Variants in RNF135 observed in about 807,000 individuals in gnomAD.
The protein encoded by RNF135 is E3 ubiquitin-protein ligase RNF135.
In RNF135, 46 loss-of-function variants were observed where a neutral mutation model predicts 41.9. The observed-to-expected ratio is 1.10, with a 90% confidence interval of 0.87 to 1.40. The LOEUF (loss-of-function observed/expected upper bound fraction) is 1.40. Ranked by LOEUF, RNF135 falls within the 40% of genes most tolerant of loss-of-function variation. The probability of loss-of-function intolerance (pLI) is 0.00; values close to 1 mark genes in which losing one functional copy is unlikely to be tolerated. For synonymous variants in RNF135, 238 were observed against 223.8 expected (o/e 1.06, Z -0.57); for missense variants, 539 against 549.8 (o/e 0.98, Z 0.20).
At chr17:30,959,505 G>C in the RNF135 span, 1 of 152,274 alleles carries the variant, frequency 6.6e-6, no homozygotes, top group Non-Finnish European at 1.5e-5. Context: ...AAGAGTAGAA[G>C]ATAGTTGGGT....
intron 1 of RNF135, among the ~76,000 whole-genome samples, chr17:30,982,420 C>A (rs1167335753): frequency 6.6e-6 from 1 of 152,200 alleles, no homozygotes; most frequent in Non-Finnish European, 1.5e-5. Context: ...TCTTTCTATT[C>A]TCTTTATCAC....
chr17:30,976,300 A>T (rs1038945188), intron 1 of RNF135, among the ~76,000 whole-genome samples: 2 of 152,186 alleles, frequency 1.3e-5, no homozygotes, highest in African/African-American at 4.8e-5. Flanking sequence ...CACCACGCCC[A>T]GCCTATTTCA....
chr17:30,966,112 G>A (rs1157680446), upstream of RNF135, among the ~76,000 whole-genome samples: 2 of 152,062 alleles, frequency 1.3e-5, no homozygotes, highest in East Asian at 3.9e-4. Context: ...TTACAAAGGT[G>A]GTTTCAGCCC....
At position 30,971,329 on chromosome 17, in the gene RNF135, C is replaced by G. The variant is rs1300351123; in HGVS notation, c.256C>G (p.Arg86Gly). Residue 86 changes from arginine (R) to glycine (G), a missense_variant, in exon 1 of 5, where the codon CGC becomes GGC. Transcript: ENST00000328381. The part of the protein sequence containing the change: ...TLLQDLADKY[R>G]RAAREIQAGS... ...ACTGCAGGACCTGGCCGACAAGTACCGCCGCGCCGCACGCGAGATACAGGC... is the reference window on the plus strand; with the variant it reads ...ACTGCAGGACCTGGCCGACAAGTACGGCCGCGCCGCACGCGAGATACAGGC... 5.2e-6 allele frequency: 8 copies of G among 1,533,772 alleles called. No individual in the cohort carries two copies. The highest frequency in any genetic ancestry group is 2.5e-5 in the East Asian group (1 of 39,690).
chr17:30,994,890 G>T (rs58923364), intron 3 of RNF135, among the ~76,000 whole-genome samples: 4 of 150,658 alleles, frequency 2.7e-5, no homozygotes, highest in African/African-American at 9.7e-5. Context: ...CACCCGTCTC[G>T]GCCTCCCAAA....
upstream of RNF135, among the ~76,000 whole-genome samples, chr17:30,968,396 T>C (rs1340365916): frequency 1.3e-5 from 2 of 151,108 alleles, no homozygotes; most frequent in African/African-American, 2.4e-5. Flanking sequence ...CTTTTTTTTT[T>C]TTCTTTTGAG....
At chr17:30,979,869 C>A (rs1906902273) in intron 1 of RNF135, among the ~76,000 whole-genome samples, 1 of 136,098 alleles carries the variant, frequency 7.3e-6, no homozygotes, top group South Asian at 2.3e-4. Flanking sequence ...CTGACCCCCC[C>A]ACCTCCCTCC....
chr17:30,987,176 G>A (rs1167225572), intron 2 of RNF135, among the ~76,000 whole-genome samples: 1 of 152,006 alleles, frequency 6.6e-6, no homozygotes, highest in Non-Finnish European at 1.5e-5. Context: ...CAGGCAATTT[G>A]AGAGGGAGCT....
At chr17:30,973,730 T>G (rs1184696205) in intron 1 of RNF135, among the ~76,000 whole-genome samples, 1 of 152,128 alleles carries the variant, frequency 6.6e-6, no homozygotes, top group Non-Finnish European at 1.5e-5. Flanking sequence ...CCTCCCAAAG[T>G]GTTGGGATTA....
In RNF135 at chr17:30,999,303, G is replaced by C; in HGVS notation, c.*112G>C. Reference sequence around the variant, plus strand: ...TTTTTAGAAAAATTACGATAGAGATGGGATCTCACTAGGTTGCCCAGGCTG... The same window carrying C: ...TTTTTAGAAAAATTACGATAGAGATCGGATCTCACTAGGTTGCCCAGGCTG... On this transcript the variant is annotated 3_prime_UTR_variant, in exon 5 of 5. Transcript: ENST00000328381. 8.3e-7 allele frequency: 1 copy of C among 1,211,840 alleles called. No individual in the cohort carries two copies. The highest frequency in any genetic ancestry group is 1.2e-6 in the Non-Finnish European group (1 of 849,968). 75.1% of individuals were successfully genotyped at this position (1,211,840 alleles called of 1,614,324 possible).
At chr17:30,960,369 C>T in the RNF135 span, among the ~76,000 whole-genome samples, 4 of 146,662 alleles carry the variant, frequency 2.7e-5, no homozygotes, top group African/African-American at 7.6e-5. Flanking sequence ...TCCAGCCTGG[C>T]GACAGAGTGA....
At chr17:30,974,894 TCTCA>T (rs1906305599) in intron 1 of RNF135, among the ~76,000 whole-genome samples, 1 of 151,834 alleles carries the variant, frequency 6.6e-6, no homozygotes, top group African/African-American at 2.4e-5. Flanking sequence ...GCTAGGCTGG[TCTCA>T]AACTCTTGAC....
intron 1 of RNF135, among the ~76,000 whole-genome samples, chr17:30,983,334 TATATA>T (rs1907310143): frequency 1.4e-4 from 4 of 29,420 alleles, no homozygotes; most frequent in African/African-American, 1.8e-4. Flanking sequence ...TATATATATA[TATATA>T]TATATATATA....
chr17:30,997,482 C>T lies in RNF135; in HGVS notation c.769+151C>T, dbSNP rs552069534. On this transcript the variant is annotated intron_variant, in intron 4 of 4. Transcript: ENST00000328381. ...GTCCCTCCACGGGGGGAGCTGATTG[C>T]AAAGGCAAAGCAGGTTGAGACTCTA... is the stretch of plus-strand genomic sequence containing the variant. The T allele has an allele frequency of 3.3e-5, 24 of 722,900 alleles. No individual in the cohort carries two copies. In the East Asian group the frequency reaches 6.4e-4, roughly 19 times the overall value. 44.8% of individuals were successfully genotyped at this position (722,900 alleles called of 1,614,324 possible). A position where few individuals can be genotyped will look rare whatever the true frequency, so the allele number is the denominator to read the frequency against.
chr17:30,988,640 A>C (rs958721499), intron 3 of RNF135, among the ~76,000 whole-genome samples: 6 of 151,134 alleles, frequency 4.0e-5, no homozygotes, highest in South Asian at 2.1e-4. Flanking sequence ...GTTAACGAGG[A>C]TGGTCTCAAT....
upstream of RNF135, chr17:30,971,031 C>G (rs190417502): frequency 8.6e-3 from 13,131 of 1,532,878 alleles, 78 homozygotes; most frequent in Non-Finnish European, 0.01. Flanking sequence ...AGGAGACTCG[C>G]CCGGCTCAAC....
rs188436401 is a variant in RNF135 at position 30,978,047 on chromosome 17, A to T, written c.373-6570A>T. On this transcript the variant is annotated intron_variant, in intron 1 of 4. Transcript: ENST00000328381. ...AGTTTTTTCCTTCAGCACTTTACAT[A>T]TGTCATGGCACTTTCTCCTGGCCTA... Among the ~76,000 whole-genome samples the T allele has an allele frequency of 3.9e-5, 6 of 152,302 alleles. No homozygotes were observed. In the East Asian group the frequency reaches 1.2e-3, roughly 29 times the overall value.
chr17:30,992,371 AT>A lies in RNF135; in HGVS notation c.679+4282del, dbSNP rs555306484. On this transcript the variant is annotated intron_variant, in intron 3 of 4. Coordinates refer to ENST00000328381, the MANE Select transcript of RNF135 (RefSeq NM_032322.4). ...GTGTGAACCACCATGTCTGGCCTCA[AT>A]TTTTTTTTTTTTTTTTAGAGACAAT... Among the ~76,000 whole-genome samples the A allele has an allele frequency of 7.0e-3, 969 of 139,402 alleles. 2 individuals carry two copies. The highest frequency in any genetic ancestry group is 5.7e-3 in the Non-Finnish European group (360 of 63,502). The allele number at this position is 139,402 out of a possible 152,430, so 91.5% of individuals were successfully genotyped here.
At chr17:30,976,320 G>T (rs538022631) in intron 1 of RNF135, among the ~76,000 whole-genome samples, 12 of 152,214 alleles carry the variant, frequency 7.9e-5, no homozygotes, top group Admixed American at 3.3e-4. Flanking sequence ...AATTTTTTTT[G>T]AATGTTTTAA....
Sources: gnomAD v4.1 joint callset for allele counts (sites outside exome capture counted in the v4.1 genomes callset) on GRCh38, gnomAD v4.1.1 for gene constraint, MANE v1.5 for transcripts, NCBI Gene and HGNC (gene_info 2026-07-23, HGNC 2026-07-21) for gene names.